The following SPARC variants were observed in gnomAD, a reference collection of about 807,000 sequenced individuals.
The protein encoded by SPARC is secreted protein acidic and cysteine rich.
A neutral mutation model predicts 37.7 loss-of-function variants in SPARC; 23 were observed. That is an observed-to-expected ratio of 0.61 (90% CI 0.44 to 0.87). The LOEUF is 0.87. SPARC is among the 40% of genes least tolerant of loss of function. The pLI is 0.00. For synonymous variants in SPARC, 155 were observed against 150.8 expected (o/e 1.03, Z -0.20); for missense variants, 312 against 389.0 (o/e 0.80, Z 1.66).
rs1277191052 is a variant in SPARC, at chr5:151,667,579, G to C, written c.473C>G (p.Ser158Cys). 1.2e-6 allele frequency: 2 copies of C among 1,614,126 alleles called. No homozygotes were observed. Among genetic ancestry groups the C allele is most frequent in the Non-Finnish European group, 8.5e-7 (1 of 1,180,002 alleles). ...PCKYIPPCLDSELTEFPLRMR... is the reference protein window; with the variant it reads ...PCKYIPPCLDCELTEFPLRMR... ...GCGCAGGGGGAATTCGGTCAGCTCA[G>C]AGTCCAGGCAAGGGGGGATGTCTAG... is the stretch of plus-strand genomic sequence containing the variant. The change falls in exon 7 of 10, where the codon TCT becomes TGT. Residue 158 changes from serine (S) to cysteine (C), a missense_variant. Coordinates refer to ENST00000231061, the MANE Select transcript of SPARC (RefSeq NM_003118.4).
intron 1 of SPARC, among the ~76,000 whole-genome samples, chr5:151,684,604 G>T: frequency 8.9e-6 from 1 of 112,794 alleles, no homozygotes; most frequent in Admixed American, 9.6e-5. Context: ...GAGCTGCCAG[G>T]AAAAAAAAAA....
At position 151,664,174 on chromosome 5, in the gene SPARC, T is replaced by C; in HGVS notation, c.796A>G (p.Thr266Ala). The change falls in exon 9 of 10, where the codon ACC becomes GCC. Residue 266 changes from threonine (T) to alanine (A), a missense_variant. Coordinates refer to ENST00000231061, the MANE Select transcript of SPARC (RefSeq NM_003118.4). ...RAPLIPMEHC[T>A]TRFFETCDLD... ...TCACAGGTCTCGAAAAAGCGGGTGG[T>C]GCAATGCTCCATGGGGATGAGGGGA... 2.5e-6 allele frequency: 4 copies of C among 1,614,050 alleles called. No individual in the cohort carries two copies. Among genetic ancestry groups the C allele is most frequent in the Non-Finnish European group, 1.7e-6 (2 of 1,179,984 alleles).
chr5:151,681,884 A>T (rs1761001059), intron 1 of SPARC, among the ~76,000 whole-genome samples: 1 of 152,124 alleles, frequency 6.6e-6, no homozygotes, highest in East Asian at 1.9e-4. Context: ...CAAGAGTGAA[A>T]CTCCCTCTCA....
At chr5:151,666,654 G>C (rs1760630136) in intron 7 of SPARC, 145 bp from the exon 8 acceptor site, 1 of 649,104 alleles carries the variant, frequency 1.5e-6, no homozygotes. Flanking sequence ...TGTCATAGAT[G>C]GGTACTAGCA....
chr5:151,679,632 C>T (rs1760939964), intron 1 of SPARC: 1 of 152,408 alleles, frequency 6.6e-6, no homozygotes, highest in Admixed American at 6.5e-5. Flanking sequence ...GAGTCCCTTC[C>T]TTTTGCCTTT....
At chr5:151,663,706 G>T in intron 9 of SPARC, 107 bp from the exon 10 acceptor site, 1 of 1,121,540 alleles carries the variant, frequency 8.9e-7, no homozygotes, top group African/African-American at 1.5e-5. Flanking sequence ...AGGGGTCTAG[G>T]TGGCCATGCA....
intron 4 of SPARC, chr5:151,672,829 G>A (rs754522525): frequency 7.5e-6 from 3 of 398,106 alleles, no homozygotes; most frequent in Non-Finnish European, 1.4e-5. Context: ...CCGTGGGACT[G>A]GGAAACTCAG....
intron 1 of SPARC, among the ~76,000 whole-genome samples, chr5:151,684,576 A>G (rs1331375692): frequency 1.3e-5 from 2 of 150,140 alleles, no homozygotes; most frequent in Admixed American, 1.3e-4. Context: ...AAAGTTCTAT[A>G]CAAACCCCAA....
Position 151,686,901 on chromosome 5 carries a change from C to A in SPARC, c.-50G>T, listed in dbSNP as rs1176282685. The A allele has an allele frequency of 1.3e-5, 2 of 153,156 alleles. No homozygotes were observed. Among genetic ancestry groups the A allele is most frequent in the African/African-American group, 4.8e-5 (2 of 41,438 alleles). 9.5% of individuals were successfully genotyped at this position (153,156 alleles called of 1,614,324 possible). ...GCAGGCAGGCGGCAGGCAGAGCGCG[C>A]TCTCCGGGCAGTCTGAAGGACCGCG... On this transcript the variant is annotated 5_prime_UTR_variant, in exon 1 of 10. Coordinates refer to ENST00000231061, the MANE Select transcript of SPARC (RefSeq NM_003118.4).
rs770972607 is a variant in SPARC at position 151,674,580 on chromosome 5, G to A, written c.120+32C>T. 11 of 1,608,280 alleles carry A rather than the reference G, an allele frequency of 6.8e-6. No individual in the cohort carries two copies. In the East Asian group the frequency reaches 1.8e-4, roughly 26 times the overall value. Reference sequence around the variant, plus strand: ...TCAGGGCACAGATACAGGTAGAGAGGGGCTAAGGGGCTGCGGTCACTGCCC... The same window carrying A: ...TCAGGGCACAGATACAGGTAGAGAGAGGCTAAGGGGCTGCGGTCACTGCCC... On this transcript the variant is annotated intron_variant, in intron 3 of 9. Transcript: ENST00000231061.
intron 5 of SPARC, among the ~76,000 whole-genome samples, chr5:151,670,435 T>C (rs1380442270): frequency 6.6e-6 from 1 of 152,256 alleles, no homozygotes; most frequent in African/African-American, 2.4e-5. Context: ...CACTCACATG[T>C]GGCTGCCTCT....
At position 151,669,755 on chromosome 5, in the gene SPARC, G is replaced by C; in HGVS notation, c.360C>G (p.Asp120Glu). Reference sequence around the variant, plus strand: ...TTGTGGCAAAGAAGTGGCAGGAAGAGTCGAAGGTCTTGTTGTCATTGCTGC... The same window carrying C: ...TTGTGGCAAAGAAGTGGCAGGAAGACTCGAAGGTCTTGTTGTCATTGCTGC... ...KVCSNDNKTF[D>E]SSCHFFATKC... Residue 120 changes from aspartate (D) to glutamate (E), a missense_variant, in exon 6 of 10, where the codon GAC (aspartate) becomes GAG (glutamate). Transcript: ENST00000231061. The C allele has an allele frequency of 6.2e-7, 1 of 1,614,228 alleles. No homozygotes were observed. Among genetic ancestry groups the C allele is most frequent in the Non-Finnish European group, 8.5e-7 (1 of 1,180,038 alleles).
At chr5:151,670,183 G>A (rs1020433874) in intron 5 of SPARC, among the ~76,000 whole-genome samples, 1 of 152,216 alleles carries the variant, frequency 6.6e-6, no homozygotes, top group Non-Finnish European at 1.5e-5. Flanking sequence ...GCCTGTGGCT[G>A]GTGTCTGGGA....
At chr5:151,666,120 G>A (rs951141808) in intron 8 of SPARC, among the ~76,000 whole-genome samples, 2 of 152,194 alleles carry the variant, frequency 1.3e-5, no homozygotes, top group Admixed American at 6.5e-5. Context: ...CCTAGTACTT[G>A]CAGGATTATG....
In SPARC at chr5:151,663,372, CTT is replaced by C; in HGVS notation, c.*197_*198del. On this transcript the variant is annotated 3_prime_UTR_variant, in exon 10 of 10. Transcript: ENST00000231061. ...GACTATTAATGCGTGTGGAAAAGGCCTTAATAGTTAAGTTACAGCTAAGAATG... is the reference window on the plus strand; with the variant it reads ...GACTATTAATGCGTGTGGAAAAGGCCAATAGTTAAGTTACAGCTAAGAATG... The C allele has an allele frequency of 1.7e-6, 1 of 604,986 alleles. No individual in the cohort carries two copies. The highest frequency in any genetic ancestry group is 2.9e-6 in the Non-Finnish European group (1 of 339,888). The allele number at this position is 604,986 out of a possible 1,614,324, so 37.5% of individuals were successfully genotyped here. A position where few individuals can be genotyped will look rare whatever the true frequency, so the allele number is the denominator to read the frequency against.
intron 1 of SPARC, among the ~76,000 whole-genome samples, chr5:151,683,405 G>C (rs558116589): frequency 2.0e-5 from 3 of 152,150 alleles, no homozygotes; most frequent in African/African-American, 7.2e-5. Context: ...ATGGGGATTG[G>C]GGGGGAAGGC....
chr5:151,683,950 T>C (rs1761069127), intron 1 of SPARC, among the ~76,000 whole-genome samples: 2 of 152,236 alleles, frequency 1.3e-5, no homozygotes, highest in South Asian at 2.1e-4. Context: ...TGTTTATCTC[T>C]GCATATTTAT....
chr5:151,665,388 C>T (rs371510138), intron 8 of SPARC, among the ~76,000 whole-genome samples: 6 of 152,194 alleles, frequency 3.9e-5, no homozygotes, highest in South Asian at 4.2e-4. Context: ...GAGAAGTGGC[C>T]GGGAGATTCC....
chr5:151,664,876 T>C (rs1384848840), intron 8 of SPARC, among the ~76,000 whole-genome samples: 1 of 152,142 alleles, frequency 6.6e-6, no homozygotes, highest in East Asian at 1.9e-4. Context: ...CTGTCCTCCC[T>C]CCCTATTCTC....
Sources: allele counts gnomAD v4.1 joint callset (sites outside exome capture counted in the v4.1 genomes callset), GRCh38; gene constraint gnomAD v4.1.1; transcripts MANE v1.5; gene names NCBI Gene and HGNC (gene_info 2026-07-23, HGNC 2026-07-21).